Variants in SCRG1 observed in about 807,000 individuals in gnomAD.
SCRG1 encodes scrapie-responsive protein 1.
A neutral mutation model predicts 7.7 loss-of-function variants in SCRG1; 3 were observed. The ratio of observed to expected loss-of-function variants is 0.39; its 90% CI spans 0.18 to 1.01. The LOEUF (loss-of-function observed/expected upper bound fraction) is 1.01. Ranked by LOEUF, SCRG1 falls within the 50% of genes least tolerant of loss-of-function variation. SCRG1 has a pLI of 0.36. For missense variants in SCRG1, 110 were observed against 117.2 expected (o/e 0.94, Z 0.28); for synonymous variants, 46 against 41.2 (o/e 1.12, Z -0.44).
the SCRG1 span, among the ~76,000 whole-genome samples, chr4:173,458,338 A>T: frequency 1.1e-4 from 16 of 152,366 alleles, no homozygotes; most frequent in East Asian, 3.1e-3. Flanking sequence ...TGCAAGTTAC[A>T]TATGTAATTT....
chr4:173,412,396 C>T, the SCRG1 span, among the ~76,000 whole-genome samples: 1 of 152,154 alleles, frequency 6.6e-6, no homozygotes, highest in African/African-American at 2.4e-5. Context: ...ATGATCCCTA[C>T]CATTTCTTCT....
At chr4:173,476,363 A>AAAAAAATATATATATATATATATATATAT in the SCRG1 span, among the ~76,000 whole-genome samples, 53 of 98,446 alleles carry the variant, frequency 5.4e-4, no homozygotes, top group East Asian at 1.1e-3. Flanking sequence ...GGAAAAAAAA[A>AAAAAAATATATATATATATATATATATAT]ATATATATAT....
the SCRG1 span, among the ~76,000 whole-genome samples, chr4:173,507,533 C>G: frequency 6.6e-6 from 1 of 152,200 alleles, no homozygotes; most frequent in Admixed American, 6.5e-5. The surrounding 1 kb of genome is among the most constrained non-coding windows in gnomAD (Gnocchi z 4.4). Context: ...AATAGCCGAT[C>G]TAACTTCACA....
chr4:173,519,023 G>A, the SCRG1 span, among the ~76,000 whole-genome samples: 1 of 151,736 alleles, frequency 6.6e-6, no homozygotes. Flanking sequence ...TCGGCGTGGC[G>A]CTGTGAGCTA....
chr4:173,497,112 A>C, the SCRG1 span, among the ~76,000 whole-genome samples: 1 of 152,136 alleles, frequency 6.6e-6, no homozygotes, highest in African/African-American at 2.4e-5. Context: ...TCTCAAAAAA[A>C]CAAAAAAACA....
chr4:173,438,353 G>T, the SCRG1 span, among the ~76,000 whole-genome samples: 1 of 151,834 alleles, frequency 6.6e-6, no homozygotes, highest in Admixed American at 6.6e-5. Flanking sequence ...GAAATCCCGG[G>T]CTCAAGCTAT....
chr4:173,491,969 T>A, the SCRG1 span, among the ~76,000 whole-genome samples: 1 of 146,060 alleles, frequency 6.8e-6, no homozygotes, highest in Non-Finnish European at 1.5e-5. Context: ...ATCTCTACAA[T>A]TTTTTTTTTT....
chr4:173,505,486 G>A, the SCRG1 span, among the ~76,000 whole-genome samples: 6 of 152,258 alleles, frequency 3.9e-5, no homozygotes, highest in East Asian at 1.2e-3. This position sits in a 1 kb window ranked among gnomAD's most constrained non-coding sequence, Gnocchi z 4.4. Context: ...TGAAGAAAAA[G>A]GGAAAGGGGA....
At chr4:173,470,753 T>G in the SCRG1 span, among the ~76,000 whole-genome samples, 1 of 152,336 alleles carries the variant, frequency 6.6e-6, no homozygotes, top group South Asian at 2.1e-4. Flanking sequence ...ACAAGTTTAT[T>G]TAATAGTTTC....
chr4:173,466,923 C>T, the SCRG1 span, among the ~76,000 whole-genome samples: 1 of 152,132 alleles, frequency 6.6e-6, no homozygotes, highest in Non-Finnish European at 1.5e-5. Flanking sequence ...AGTCACCTTG[C>T]TCATGAGTGT....
chr4:173,414,129 C>T, the SCRG1 span, among the ~76,000 whole-genome samples: 5 of 152,284 alleles, frequency 3.3e-5, no homozygotes, highest in East Asian at 7.7e-4. Context: ...GCAACACAGA[C>T]AAAATCCTCT....
chr4:173,510,971 C>CT, the SCRG1 span, among the ~76,000 whole-genome samples: 4 of 152,116 alleles, frequency 2.6e-5, no homozygotes, highest in East Asian at 1.9e-4. The surrounding 1 kb of genome is among the most constrained non-coding windows in gnomAD (Gnocchi z 5.7). Context: ...GCTGCCTCTT[C>CT]TTTTTTTGTT....
chr4:173,426,773 G>T, the SCRG1 span, among the ~76,000 whole-genome samples: 7 of 152,128 alleles, frequency 4.6e-5, no homozygotes, highest in African/African-American at 1.7e-4. Context: ...CTGGCATCAA[G>T]AATTATTTTC....
the SCRG1 span, among the ~76,000 whole-genome samples, chr4:173,486,803 TAA>T: frequency 6.6e-6 from 1 of 152,180 alleles, no homozygotes; most frequent in South Asian, 2.1e-4. Flanking sequence ...AGGCTCAGAC[TAA>T]CAGAGTGTGT....
the SCRG1 span, among the ~76,000 whole-genome samples, chr4:173,449,215 A>G: frequency 6.6e-6 from 1 of 152,236 alleles, no homozygotes; most frequent in Non-Finnish European, 1.5e-5. Flanking sequence ...TGTTGCAGGC[A>G]TAAATAACTT....
chr4:173,517,919 G>T, the SCRG1 span, among the ~76,000 whole-genome samples: 1 of 152,220 alleles, frequency 6.6e-6, no homozygotes, highest in Non-Finnish European at 1.5e-5. Flanking sequence ...CGAGTGAGGA[G>T]CTCCTCCCGG....
the SCRG1 span, among the ~76,000 whole-genome samples, chr4:173,514,932 T>G: frequency 6.6e-6 from 1 of 152,332 alleles, no homozygotes; most frequent in Non-Finnish European, 1.5e-5. Flanking sequence ...TTCTATCCTT[T>G]TGCGGCAATA....
chr4:173,449,435 C>CTT, the SCRG1 span, among the ~76,000 whole-genome samples: 366 of 115,836 alleles, frequency 3.2e-3, 1 homozygote, highest in Middle Eastern at 9.6e-3. Flanking sequence ...CATGATAAAT[C>CTT]TTTTTTTTTT....
chr4:173,474,717 G>C, the SCRG1 span, among the ~76,000 whole-genome samples: 1 of 152,148 alleles, frequency 6.6e-6, no homozygotes, highest in African/African-American at 2.4e-5. Flanking sequence ...CATTTCCCAG[G>C]AAAGACACAA....
Sources: allele counts gnomAD v4.1 joint callset (sites outside exome capture counted in the v4.1 genomes callset), GRCh38; gene constraint gnomAD v4.1.1; non-coding constraint Gnocchi (gnomAD v3.1); transcripts MANE v1.5; gene names NCBI Gene and HGNC (gene_info 2026-07-23, HGNC 2026-07-21).